Variants in WASF3 observed in about 807,000 individuals in gnomAD.
WASF3 encodes the protein WASP family member 3, also known as actin-binding protein WASF3.
Under a neutral mutation model 46.6 loss-of-function variants are expected in WASF3, and 11 were observed. That is an observed-to-expected ratio of 0.24 (90% CI 0.15 to 0.39). The LOEUF (loss-of-function observed/expected upper bound fraction) is 0.39, where lower values mean the gene tolerates loss of function less well. Ranked by LOEUF, WASF3 falls within the 10% of genes least tolerant of loss-of-function variation. The pLI is 1.00. For missense variants in WASF3, 576 were observed against 669.8 expected (o/e 0.86, Z 1.55); for synonymous variants, 242 against 259.7 (o/e 0.93, Z 0.65).
At chr13:26,568,820 G>A (rs1879549244) in intron 1 of WASF3, among the ~76,000 whole-genome samples, 2 of 152,194 alleles carry the variant, frequency 1.3e-5, no homozygotes, top group Non-Finnish European at 2.9e-5. Context: ...TCAGTAAATT[G>A]TCTGTGGAAT....
rs570235587 is a variant in WASF3, at chr13:26,570,795, T to A, written c.-109+12976T>A. ...GTATGTATTTTTATATTGCAGGAGG[T>A]TTAATTTGGGAATAAAGTCCTCAAA... On this transcript the variant is annotated intron_variant, in intron 1 of 9. Transcript: ENST00000335327. Among the ~76,000 whole-genome samples the A allele has an allele frequency of 1.4e-4, 21 of 152,322 alleles. No homozygotes were observed. In the East Asian group the frequency reaches 3.9e-3, roughly 28 times the overall value.
chr13:26,584,242 G>T (rs1022609748), intron 1 of WASF3, among the ~76,000 whole-genome samples: 1 of 152,194 alleles, frequency 6.6e-6, no homozygotes, highest in Admixed American at 6.5e-5. Context: ...TTTGCTGGAT[G>T]ACTAGTGGTT....
At chr13:26,549,393 G>A in the WASF3 span, among the ~76,000 whole-genome samples, 3 of 152,216 alleles carry the variant, frequency 2.0e-5, no homozygotes, top group South Asian at 6.2e-4. Context: ...ATTGTACTTA[G>A]CTTGGCTTCA....
At chr13:26,676,414 CATT>C in intron 6 of WASF3, 132 bp from the exon 7 acceptor site, 2 of 918,444 alleles carry the variant, frequency 2.2e-6, no homozygotes, top group East Asian at 5.4e-5. Context: ...GTTTCTGTAA[CATT>C]AGGGTAATCG....
intron 1 of WASF3, among the ~76,000 whole-genome samples, chr13:26,575,674 G>C (rs1321872010): frequency 1.3e-5 from 2 of 152,178 alleles, no homozygotes; most frequent in Non-Finnish European, 2.9e-5. Context: ...TTAGTTGAAG[G>C]ACAGGTAGGC....
intron 1 of WASF3, among the ~76,000 whole-genome samples, chr13:26,562,122 C>T (rs1403360200): frequency 6.6e-6 from 1 of 152,122 alleles, no homozygotes; most frequent in African/African-American, 2.4e-5. Context: ...GGAACTCCTG[C>T]CTTTGCCTGT....
chr13:26,598,198 G>A (rs547035387), intron 1 of WASF3, among the ~76,000 whole-genome samples: 9 of 152,294 alleles, frequency 5.9e-5, no homozygotes, highest in African/African-American at 2.2e-4. Flanking sequence ...GTTTTGATTT[G>A]CATTTCTCTG....
intron 3 of WASF3, among the ~76,000 whole-genome samples, chr13:26,655,874 G>A (rs1244396229): frequency 2.6e-5 from 4 of 151,990 alleles, no homozygotes; most frequent in Non-Finnish European, 5.9e-5. Flanking sequence ...CACCAATCTC[G>A]GAAGTAAAGT....
intron 3 of WASF3, among the ~76,000 whole-genome samples, chr13:26,643,259 GT>G (rs1882053674): frequency 6.6e-6 from 1 of 152,042 alleles, no homozygotes; most frequent in South Asian, 2.1e-4. Flanking sequence ...GGTTTTCACA[GT>G]TAAATTTTTC....
At chr13:26,547,574 C>T in the WASF3 span, among the ~76,000 whole-genome samples, 1 of 152,168 alleles carries the variant, frequency 6.6e-6, no homozygotes, top group African/African-American at 2.4e-5. Context: ...GATTCCTTCT[C>T]ATATTTGAGG....
chr13:26,663,412 G>T (rs1413594213), intron 3 of WASF3, among the ~76,000 whole-genome samples: 1 of 152,162 alleles, frequency 6.6e-6, no homozygotes, highest in African/African-American at 2.4e-5. Context: ...TTGTGTGAAG[G>T]CTTTATTTTT....
intron 3 of WASF3, among the ~76,000 whole-genome samples, chr13:26,647,574 A>G (rs892298081): frequency 5.9e-5 from 9 of 152,200 alleles, no homozygotes; most frequent in Non-Finnish European, 1.2e-4. Context: ...TAGTTTCAAT[A>G]TAATTTGCTT....
chr13:26,657,964 G>A (rs1882515330), intron 3 of WASF3, among the ~76,000 whole-genome samples: 1 of 152,204 alleles, frequency 6.6e-6, no homozygotes, highest in African/African-American at 2.4e-5. Context: ...GAGTGGAAAT[G>A]TAGTATCAGT....
chr13:26,598,890 A>C (rs1880557262), intron 1 of WASF3, among the ~76,000 whole-genome samples: 1 of 152,086 alleles, frequency 6.6e-6, no homozygotes, highest in Non-Finnish European at 1.5e-5. Flanking sequence ...TTATTTTTTG[A>C]GACGGAGTCT....
chr13:26,570,119 C>G (rs1879589377), intron 1 of WASF3, among the ~76,000 whole-genome samples: 1 of 152,096 alleles, frequency 6.6e-6, no homozygotes, highest in Non-Finnish European at 1.5e-5. Flanking sequence ...AACCCCATCT[C>G]TACTAAAATT....
chr13:26,673,330 AC>A (rs1566071065), intron 6 of WASF3, among the ~76,000 whole-genome samples: 3 of 152,144 alleles, frequency 2.0e-5, no homozygotes, highest in African/African-American at 7.2e-5. Context: ...GTCTCATTCT[AC>A]CTTCCTCAAA....
intron 1 of WASF3, among the ~76,000 whole-genome samples, chr13:26,602,251 G>T (rs1880663313): frequency 6.6e-6 from 1 of 152,230 alleles, no homozygotes; most frequent in East Asian, 1.9e-4. Flanking sequence ...GTTTCCTACA[G>T]GATTATATTG....
At chr13:26,604,142 AT>A (rs569536981) in intron 1 of WASF3, among the ~76,000 whole-genome samples, 9 of 152,028 alleles carry the variant, frequency 5.9e-5, no homozygotes, top group African/African-American at 1.9e-4. Flanking sequence ...TTACTGTGTG[AT>A]TTTTTTTGGA....
At chr13:26,683,636 T>TA (rs1275102008) in intron 9 of WASF3, among the ~76,000 whole-genome samples, 8,697 of 145,958 alleles carry the variant, frequency 0.06, 622 homozygotes, top group African/African-American at 0.17. Context: ...ATGATTTCTT[T>TA]AAAAAAAAAA....
Sources: gnomAD v4.1 joint callset for allele counts (sites outside exome capture counted in the v4.1 genomes callset) on GRCh38, gnomAD v4.1.1 for gene constraint, MANE v1.5 for transcripts, NCBI Gene and HGNC (gene_info 2026-07-23, HGNC 2026-07-21) for gene names.